The following AHCTF1 variants were observed in gnomAD, a reference collection of about 807,000 sequenced individuals.
The protein encoded by AHCTF1 is protein ELYS.
A neutral mutation model predicts 248.4 loss-of-function variants in AHCTF1; 24 were observed. The observed-to-expected ratio is 0.10, with a 90% CI of 0.07 to 0.14. AHCTF1 has a LOEUF of 0.14. Ranked by LOEUF, AHCTF1 falls within the 10% of genes least tolerant of loss-of-function variation. The pLI, the probability that AHCTF1 is intolerant of heterozygous loss-of-function variation, is 1.00. For synonymous variants in AHCTF1, 786 were observed against 929.8 expected, an observed-to-expected ratio of 0.85 and a Z score of 2.81; for missense variants, 2,206 against 2,636.2, an observed-to-expected ratio of 0.84 and a Z score of 3.57.
intron 31 of AHCTF1, among the ~76,000 whole-genome samples, chr1:246,854,710 TTATTAATATTCCCATTTAAAAC>T (rs1428417210): frequency 2.0e-5 from 3 of 152,232 alleles, no homozygotes; most frequent in African/African-American, 7.2e-5. Flanking sequence ...GAAATGGGTC[TTATTAATATTCCCATTTAAAAC>T]TATTAATATT....
chr1:246,847,183 G>A (rs1660330852), intron 33 of AHCTF1, among the ~76,000 whole-genome samples: 2 of 151,898 alleles, frequency 1.3e-5, no homozygotes, highest in Admixed American at 1.3e-4. Context: ...CAGCTACTGG[G>A]GAGGCTGAGG....
chr1:246,846,790 T>G (rs1462652553), intron 33 of AHCTF1, among the ~76,000 whole-genome samples: 1 of 152,012 alleles, frequency 6.6e-6, no homozygotes. Context: ...GATCTCAATC[T>G]GTCACCTGGG....
intron 24 of AHCTF1, among the ~76,000 whole-genome samples, chr1:246,868,738 C>G (rs1487740578): frequency 6.6e-6 from 1 of 150,752 alleles, no homozygotes; most frequent in Non-Finnish European, 1.5e-5. Flanking sequence ...CTAAGAAAGG[C>G]TTACATTTCT....
intron 1 of AHCTF1, among the ~76,000 whole-genome samples, chr1:246,922,662 G>A (rs923705208): frequency 6.6e-6 from 1 of 150,996 alleles, no homozygotes; most frequent in Admixed American, 6.6e-5. Flanking sequence ...CCAAAGTGCT[G>A]GGATTACAGG....
At chr1:246,906,426 A>G (rs984864946) in intron 5 of AHCTF1, among the ~76,000 whole-genome samples, 1 of 151,882 alleles carries the variant, frequency 6.6e-6, no homozygotes, top group Non-Finnish European at 1.5e-5. Context: ...AAAAAAAAAT[A>G]CAAAAACTAG....
intron 1 of AHCTF1, among the ~76,000 whole-genome samples, chr1:246,930,604 G>GGT (rs2103269008): frequency 6.6e-6 from 1 of 151,394 alleles, no homozygotes; most frequent in South Asian, 2.1e-4. Context: ...AAAAAGGGGG[G>GGT]GTCTCGCCAT....
At chr1:246,872,827 GTAGATTTTTAAAAATACAA>G (rs1662693784) in intron 24 of AHCTF1, among the ~76,000 whole-genome samples, 1 of 152,130 alleles carries the variant, frequency 6.6e-6, no homozygotes, top group African/African-American at 2.4e-5. Context: ...AAAACATGCT[GTAGATTTTTAAAAATACAA>G]ACTCTTAAAA....
intron 8 of AHCTF1, 133 bp from the exon 9 acceptor site, chr1:246,900,602 T>C (rs1471221439): frequency 3.1e-6 from 3 of 963,286 alleles, no homozygotes; most frequent in Admixed American, 6.9e-5. Flanking sequence ...TCAAAACGCA[T>C]TTCTATCATT....
chr1:246,903,315 CA>C (rs1444470747), intron 7 of AHCTF1, among the ~76,000 whole-genome samples: 1 of 152,174 alleles, frequency 6.6e-6, no homozygotes, highest in Non-Finnish European at 1.5e-5. Context: ...TTATAAAAAT[CA>C]CCCTATGGCT....
intron 33 of AHCTF1, among the ~76,000 whole-genome samples, chr1:246,848,749 C>T (rs1289557994): frequency 6.6e-6 from 1 of 151,890 alleles, no homozygotes; most frequent in Admixed American, 6.6e-5. Context: ...ACTAGGGAGG[C>T]TGAGGTAGGA....
intron 1 of AHCTF1, among the ~76,000 whole-genome samples, chr1:246,921,204 C>T (rs1219180229): frequency 6.6e-6 from 1 of 151,914 alleles, no homozygotes; most frequent in Non-Finnish European, 1.5e-5. Context: ...CTTAAGGATG[C>T]AAACATGACA....
chr1:246,900,438 A>G lies in AHCTF1; in HGVS notation c.1149T>C (p.Phe383=), dbSNP rs757625854. 4 of 1,595,060 alleles carry G rather than the reference A, an allele frequency of 2.5e-6. No individual in the cohort carries two copies. In the South Asian group the frequency reaches 3.5e-5, roughly 14 times the overall value. ...ALSPDTSVSV[F]TWQVNIYGQG... is the part of the protein sequence containing the mutation. ...GTCCATATATATTCACCTGCCAGGT[A>G]AAGACTGAAACACTAGTGTCAGGCG... The change falls in exon 9 of 36, where the codon TTT becomes TTC. Residue 383 remains phenylalanine (F), a synonymous_variant. Transcript: ENST00000648844.
In AHCTF1 at chr1:246,869,914, T is replaced by TA. The variant is rs201673996; in HGVS notation, c.3089-2104dup. 7.5e-4 allele frequency among the ~76,000 whole-genome samples: 115 copies of TA among 152,320 alleles called. No homozygotes were observed. The East Asian group carries it at 0.015, about 20-fold the overall frequency. On this transcript the variant is annotated intron_variant, in intron 24 of 35. Transcript: ENST00000648844. The stretch of plus-strand genomic sequence containing the variant: ...TTCATAAAGCTATAGCTGTCACAGA[T>TA]AGTGATTCCTCTGAGAGATCCGAAC...
At chr1:246,928,691 G>T (rs1040960840) in intron 1 of AHCTF1, among the ~76,000 whole-genome samples, 3 of 152,124 alleles carry the variant, frequency 2.0e-5, no homozygotes, top group African/African-American at 4.8e-5. Flanking sequence ...TGCAGTAACT[G>T]AATTCCACCA....
chr1:246,922,730 C>T (rs1666631055), intron 1 of AHCTF1, among the ~76,000 whole-genome samples: 1 of 150,720 alleles, frequency 6.6e-6, no homozygotes, highest in Non-Finnish European at 1.5e-5. Context: ...CGCCTGTAAT[C>T]CCAGCACTTT....
At chr1:246,848,230 T>TTTA (rs567811541) in intron 33 of AHCTF1, among the ~76,000 whole-genome samples, 25 of 151,872 alleles carry the variant, frequency 1.6e-4, no homozygotes, top group African/African-American at 4.3e-4. Context: ...ATCTACTTTA[T>TTTA]TTATTATTAT....
Position 246,918,391 on chromosome 1 carries a change from T to TA in AHCTF1, c.-7-15dup, listed in dbSNP as rs764486093. 7.5e-6 allele frequency: 12 copies of TA among 1,598,948 alleles called. No homozygotes were observed. Among genetic ancestry groups the TA allele is most frequent in the Non-Finnish European group, 1.0e-5 (12 of 1,172,930 alleles). ...CGCATACTTCCACTGTAAATATTTT[T>TA]AAAAGAAAACATTATTATGACACAT... On this transcript the variant is annotated splice_polypyrimidine_tract_variant and intron_variant, in intron 1 of 35. Transcript: ENST00000648844.
intron 28 of AHCTF1, 67 bp from the exon 29 acceptor site, chr1:246,861,362 C>T (rs919216925): frequency 2.6e-5 from 35 of 1,357,760 alleles, no homozygotes; most frequent in Non-Finnish European, 3.0e-5. Context: ...TCCTAAGCTA[C>T]CCATCCCAAT....
intron 25 of AHCTF1, 78 bp from the exon 26 acceptor site, chr1:246,867,429 G>GCCC: frequency 9.8e-7 from 1 of 1,018,476 alleles, no homozygotes; most frequent in Non-Finnish European, 1.4e-6. Flanking sequence ...AGAACAGAGG[G>GCCC]TTTTCATTCG....
Sources: allele counts gnomAD v4.1 joint callset (sites outside exome capture counted in the v4.1 genomes callset), GRCh38; gene constraint gnomAD v4.1.1; transcripts MANE v1.5; gene names NCBI Gene and HGNC (gene_info 2026-07-23, HGNC 2026-07-21).